SNX29: variants seen among roughly 807,000 people sequenced by gnomAD.
SNX29 encodes sorting nexin-29.
In SNX29, 78 loss-of-function variants were observed where a neutral mutation model predicts 102.1. That is an observed-to-expected ratio of 0.76 (90% CI 0.64 to 0.92). SNX29 has a LOEUF of 0.92. SNX29 is among the 40% of genes least tolerant of loss of function. The probability of loss-of-function intolerance (pLI) is 0.00; values close to 1 mark genes in which losing one functional copy is unlikely to be tolerated. For missense variants in SNX29, 1,280 were observed against 1,061.7 expected, an observed-to-expected ratio of 1.21 and a Z score of -2.86; for synonymous variants, 580 against 414.5, an observed-to-expected ratio of 1.40 and a Z score of -4.85.
At chr16:12,165,888 T>C (rs2055999009) in intron 13 of SNX29, among the ~76,000 whole-genome samples, 2 of 152,246 alleles carry the variant, frequency 1.3e-5, no homozygotes, top group Non-Finnish European at 2.9e-5. Context: ...TTCTGACTGA[T>C]GAGAGTCAGC....
intron 13 of SNX29, among the ~76,000 whole-genome samples, chr16:12,184,518 G>A (rs1006302942): frequency 2.6e-5 from 4 of 152,178 alleles, no homozygotes; most frequent in African/African-American, 9.7e-5. Flanking sequence ...CAAGAGTTCC[G>A]ATTTACCTTG....
intron 15 of SNX29, chr16:12,297,423 A>G (rs754281716): frequency 1.3e-5 from 2 of 152,204 alleles, no homozygotes; most frequent in Non-Finnish European, 2.9e-5. Flanking sequence ...GTGTTGTTCT[A>G]CACAGAAATA....
intron 20 of SNX29, among the ~76,000 whole-genome samples, chr16:12,545,935 T>G (rs1206069176): frequency 6.6e-6 from 1 of 152,144 alleles, no homozygotes; most frequent in African/African-American, 2.4e-5. Flanking sequence ...TTAATATTTA[T>G]GTATTATCCT....
chr16:12,499,284 C>A (rs1597620772), intron 19 of SNX29, among the ~76,000 whole-genome samples: 1 of 152,200 alleles, frequency 6.6e-6, no homozygotes, highest in Non-Finnish European at 1.5e-5. Context: ...CAGATGCCCC[C>A]AATGCACTGA....
chr16:12,022,418 C>G (rs1458179642), intron 3 of SNX29, among the ~76,000 whole-genome samples: 2 of 152,086 alleles, frequency 1.3e-5, no homozygotes, highest in East Asian at 1.9e-4. Context: ...CCAGGTTGGT[C>G]TTGAACTCCT....
At chr16:12,362,562 A>ACCCCCCCCCCCCCC (rs796459458) in intron 16 of SNX29, among the ~76,000 whole-genome samples, 1 of 19,984 alleles carries the variant, frequency 5.0e-5, no homozygotes, top group Non-Finnish European at 9.1e-5. Context: ...CTCCCCCCCC[A>ACCCCCCCCCCCCCC]CCCCCCCCCC....
At chr16:12,209,429 A>G (rs534073633) in intron 14 of SNX29, among the ~76,000 whole-genome samples, 11 of 152,294 alleles carry the variant, frequency 7.2e-5, no homozygotes, top group Admixed American at 6.5e-4. Context: ...GCCTCAAGTA[A>G]TCTGCCCACC....
chr16:12,363,072 G>C (rs1321132742), intron 16 of SNX29, among the ~76,000 whole-genome samples: 2 of 152,278 alleles, frequency 1.3e-5, no homozygotes, highest in South Asian at 2.1e-4. Flanking sequence ...CTCATCATCA[G>C]ATCCTTTCCT....
At chr16:12,007,357 T>C (rs2056488589) in intron 3 of SNX29, among the ~76,000 whole-genome samples, 1 of 152,000 alleles carries the variant, frequency 6.6e-6, no homozygotes, top group African/African-American at 2.4e-5. Context: ...ATACAAAAAT[T>C]AGCCAGGCGT....
chr16:12,421,680 A>G (rs1044956845), intron 18 of SNX29, among the ~76,000 whole-genome samples: 2 of 152,198 alleles, frequency 1.3e-5, no homozygotes, highest in Admixed American at 6.5e-5. Flanking sequence ...CACTGCTGTC[A>G]TCAACCATGA....
At chr16:12,561,931 C>T (rs11642881) in intron 20 of SNX29, among the ~76,000 whole-genome samples, 15,619 of 152,168 alleles carry the variant, frequency 0.1, 1,033 homozygotes, top group Non-Finnish European at 0.14. Context: ...TCCAGGTGAG[C>T]TTAGAGCCAG....
At chr16:12,238,598 A>T (rs1400666085) in intron 14 of SNX29, among the ~76,000 whole-genome samples, 1 of 152,228 alleles carries the variant, frequency 6.6e-6, no homozygotes, top group Non-Finnish European at 1.5e-5. Flanking sequence ...TGCTGGGATT[A>T]CAGGCTTGAG....
At chr16:12,381,214 C>CTACA (rs1567504404) in intron 16 of SNX29, among the ~76,000 whole-genome samples, 1 of 28,776 alleles carries the variant, frequency 3.5e-5, no homozygotes, top group African/African-American at 1.1e-4. Flanking sequence ...TACCATCCAC[C>CTACA]CACCCACCCA....
intron 20 of SNX29, chr16:12,557,393 C>G (rs1398817551): frequency 6.6e-6 from 1 of 152,146 alleles, no homozygotes; most frequent in African/African-American, 2.4e-5. Flanking sequence ...TAGAAACAAG[C>G]CACCTTTGGC....
chr16:12,530,293 A>T (rs1261556607), intron 20 of SNX29, among the ~76,000 whole-genome samples: 1 of 152,188 alleles, frequency 6.6e-6, no homozygotes, highest in African/African-American at 2.4e-5. Flanking sequence ...TATGTGTGTC[A>T]CTGTTTGTAC....
At chr16:12,337,453 C>T (rs1466600437) in intron 15 of SNX29, among the ~76,000 whole-genome samples, 1 of 152,048 alleles carries the variant, frequency 6.6e-6, no homozygotes, top group Non-Finnish European at 1.5e-5. Context: ...GTGATCCTCC[C>T]ACCTCAGCTT....
intron 13 of SNX29, among the ~76,000 whole-genome samples, chr16:12,196,800 C>T (rs1051934973): frequency 2.0e-5 from 3 of 151,580 alleles, no homozygotes; most frequent in Admixed American, 6.6e-5. Context: ...TTTGTATTTT[C>T]AGTAGAGACA....
intron 19 of SNX29, among the ~76,000 whole-genome samples, chr16:12,482,931 A>G (rs1480335691): frequency 2.0e-5 from 3 of 152,136 alleles, no homozygotes; most frequent in African/African-American, 2.4e-5. Flanking sequence ...TATGCCATGC[A>G]TGTGTGTAAT....
intron 18 of SNX29, among the ~76,000 whole-genome samples, chr16:12,456,594 G>C (rs2086550440): frequency 6.6e-6 from 1 of 152,078 alleles, no homozygotes; most frequent in African/African-American, 2.4e-5. Context: ...GGTAGTGTGT[G>C]CACCTGGTAG....
Sources: allele counts gnomAD v4.1 joint callset (sites outside exome capture counted in the v4.1 genomes callset), GRCh38; gene constraint gnomAD v4.1.1; transcripts MANE v1.5; gene names NCBI Gene and HGNC (gene_info 2026-07-23, HGNC 2026-07-21).